Variants in MTOR observed in about 807,000 individuals in gnomAD.
MTOR encodes the protein serine/threonine-protein kinase mTOR.
In MTOR, 70 loss-of-function variants were observed where a neutral mutation model predicts 319.8. That is an observed-to-expected ratio of 0.22 (90% confidence interval 0.18 to 0.27). MTOR has a LOEUF of 0.27. MTOR is among the 10% of genes least tolerant of loss of function. The pLI is 1.00. For synonymous variants in MTOR, 1,183 were observed against 1,211.4 expected, an observed-to-expected ratio of 0.98 and a Z score of 0.49; for missense variants, 1,890 against 3,274.4, an observed-to-expected ratio of 0.58 and a Z score of 10.32.
intron 47 of MTOR, 41 bp from the exon 48 acceptor site, chr1:11,122,167 G>T (rs748428562): frequency 6.2e-7 from 1 of 1,612,008 alleles, no homozygotes; most frequent in East Asian, 2.2e-5. Context: ...ACCGTAAAGA[G>T]AGTATACCCT....
Position 11,125,003 on chromosome 1 carries a change from T to C in MTOR, c.6527-370A>G, listed in dbSNP as rs556925819. Among the ~76,000 whole-genome samples, 170 of 135,052 alleles carry C rather than the reference T, an allele frequency of 1.3e-3. 2 individuals carry two copies. Among genetic ancestry groups the C allele is most frequent in the African/African-American group, 4.9e-3 (162 of 33,146 alleles). 88.6% of individuals were successfully genotyped at this position (135,052 alleles called of 152,430 possible). ...GGCGTGGCCAATGGTGGAAGGGTAC[T>C]GGCAGGAGGTCAGAGGATGGGTAGA... On this transcript the variant is annotated intron_variant, in intron 46 of 57. Transcript: ENST00000361445.
rs1641628649 is a variant in MTOR at position 11,107,397 on chromosome 1, T to C, written c.*88A>G. 1 of 1,569,166 alleles carries C rather than the reference T, an allele frequency of 6.4e-7. No individual in the cohort carries two copies. Among genetic ancestry groups the C allele is most frequent in the Non-Finnish European group, 8.6e-7 (1 of 1,165,624 alleles). ...TTCAAAATATTTAACAAAGTCAAAC[T>C]TTCTCACCATGGTTTCAGTTTAGTG... On this transcript the variant is annotated 3_prime_UTR_variant, in exon 58 of 58. Coordinates refer to ENST00000361445, the MANE Select transcript of MTOR (RefSeq NM_004958.4).
At chr1:11,146,639 T>C (rs1291452124) in intron 32 of MTOR, 37 bp downstream of exon 32, 3 of 1,538,094 alleles carry the variant, frequency 2.0e-6, no homozygotes, top group Non-Finnish European at 1.8e-6. Context: ...TACAATCTTT[T>C]CCTCACTGAG....
chr1:11,254,992 G>A (rs1650173444), intron 5 of MTOR, among the ~76,000 whole-genome samples: 1 of 152,074 alleles, frequency 6.6e-6, no homozygotes, highest in Admixed American at 6.5e-5. Flanking sequence ...TCAAACTCCT[G>A]AGCTCAAGCA....
At chr1:11,201,529 T>G (rs1645968266) in intron 26 of MTOR, among the ~76,000 whole-genome samples, 1 of 152,210 alleles carries the variant, frequency 6.6e-6, no homozygotes, top group African/African-American at 2.4e-5. Context: ...ATGCCTTGCT[T>G]TCTGCTTCTT....
chr1:11,219,510 T>C (rs1168972569), intron 19 of MTOR, among the ~76,000 whole-genome samples: 1 of 152,168 alleles, frequency 6.6e-6, no homozygotes, highest in East Asian at 1.9e-4. Flanking sequence ...ATGCACATCC[T>C]CTCTGGAAAG....
intron 46 of MTOR, among the ~76,000 whole-genome samples, chr1:11,126,209 T>A (rs1370311098): frequency 6.6e-6 from 1 of 151,220 alleles, no homozygotes; most frequent in East Asian, 1.9e-4. Flanking sequence ...TTTTACACAA[T>A]CATTTACCAC....
At chr1:11,189,001 G>A (rs556045099) in intron 28 of MTOR, among the ~76,000 whole-genome samples, 2 of 152,188 alleles carry the variant, frequency 1.3e-5, no homozygotes, top group East Asian at 1.9e-4. Flanking sequence ...CCTACCTTAC[G>A]CTCACCCCAT....
Position 11,108,298 on chromosome 1 carries a change from G to C in MTOR, c.7529-12C>G. 1 of 1,605,358 alleles carries C rather than the reference G, an allele frequency of 6.2e-7. No individual in the cohort carries two copies. Among genetic ancestry groups the C allele is most frequent in the Non-Finnish European group, 8.5e-7 (1 of 1,172,170 alleles). On this transcript the variant is annotated splice_polypyrimidine_tract_variant and intron_variant, in intron 56 of 57. Transcript: ENST00000361445. The stretch of plus-strand genomic sequence containing the variant: ...AGAGAAGTCCCGACCTAGCACAGGA[G>C]GAACAAAAACATTTCACTCTCTTCC...
At chr1:11,118,067 G>A (rs1241165266) in intron 49 of MTOR, among the ~76,000 whole-genome samples, 3 of 151,190 alleles carry the variant, frequency 2.0e-5, no homozygotes, top group South Asian at 2.1e-4. Flanking sequence ...CAACAAGAGC[G>A]AAACTCTCTC....
chr1:11,114,817 A>G lies in MTOR; in HGVS notation c.7160T>C (p.Met2387Thr). 1 of 1,614,134 alleles carries G rather than the reference A, an allele frequency of 6.2e-7. No individual in the cohort carries two copies. The highest frequency in any genetic ancestry group is 8.5e-7 in the Non-Finnish European group (1 of 1,179,952). The change falls in exon 52 of 58, where the codon ATG (methionine) becomes ACG (threonine). Residue 2387 changes from methionine to threonine, a missense_variant. Physicochemically the swap from Met to Thr is moderately conservative, Grantham distance 81 (BLOSUM62 -1). Transcript: ENST00000361445. ...FRLTRMLTNA[M>T]EVTGLDGNYR... Reference sequence around the variant, plus strand: ...TCGTTCCCGATATCCACTCACCTCCATAGCATTGGTCAACATTCTTGTTAG... The same window carrying G: ...TCGTTCCCGATATCCACTCACCTCCGTAGCATTGGTCAACATTCTTGTTAG...
chr1:11,144,792 C>T (rs2100507480), intron 33 of MTOR, 37 bp from the exon 34 acceptor site: 3 of 1,584,968 alleles, frequency 1.9e-6, no homozygotes, highest in Non-Finnish European at 1.7e-6. Context: ...CTAATTACTG[C>T]ACGAACAATC....
At chr1:11,163,379 C>A (rs1644539193) in intron 29 of MTOR, among the ~76,000 whole-genome samples, 2 of 152,036 alleles carry the variant, frequency 1.3e-5, no homozygotes, top group Admixed American at 1.3e-4. Context: ...CAGATCAAGA[C>A]AGAAAGTTAA....
intron 38 of MTOR, 78 bp from the exon 39 acceptor site, chr1:11,130,855 T>C (rs1163755406): frequency 6.7e-7 from 1 of 1,495,236 alleles, no homozygotes. Context: ...AGGTCGATGC[T>C]GAGGAACAGC....
At position 11,107,053 on chromosome 1, in the gene MTOR, T is replaced by A. The variant is rs1209402009; in HGVS notation, c.*432A>T. 1.6e-5 allele frequency: 22 copies of A among 1,371,792 alleles called. No homozygotes were observed. Among genetic ancestry groups the A allele is most frequent in the Non-Finnish European group, 2.0e-5 (21 of 1,039,706 alleles). 85.0% of individuals were successfully genotyped at this position (1,371,792 alleles called of 1,614,324 possible). Reference sequence around the variant, plus strand: ...TCTGTGTCTTTACAGTCTAGGATCCTAATCCATGTTCTCCACGACCTGAGG... The same window carrying A: ...TCTGTGTCTTTACAGTCTAGGATCCAAATCCATGTTCTCCACGACCTGAGG... On this transcript the variant is annotated 3_prime_UTR_variant, in exon 58 of 58. Transcript: ENST00000361445.
chr1:11,212,169 T>A lies in MTOR; in HGVS notation c.3561+143A>T. 2.0e-6 allele frequency: 2 copies of A among 1,014,370 alleles called. No homozygotes were observed. The highest frequency in any genetic ancestry group is 2.5e-5 in the East Asian group (1 of 40,108). The allele number at this position is 1,014,370 out of a possible 1,614,324, so 62.8% of individuals were successfully genotyped here. A position where few individuals can be genotyped will look rare whatever the true frequency, so the allele number is the denominator to read the frequency against. On this transcript the variant is annotated intron_variant, in intron 23 of 57. Transcript: ENST00000361445. The surrounding 1 kb of genome is among the most constrained non-coding windows in gnomAD (Gnocchi z 4.1). ...CATAGGTTGCTCAATAAATGTTTGC[T>A]GAACACATGAAAAGAAAAAAAGCAA...
At chr1:11,137,018 T>A (rs1643455902) in intron 36 of MTOR, among the ~76,000 whole-genome samples, 1 of 151,560 alleles carries the variant, frequency 6.6e-6, no homozygotes, top group South Asian at 2.1e-4. Context: ...ATTTTTGCAT[T>A]TTTAGTAGAG....
rs894974369 is a variant in MTOR, at chr1:11,176,273, A to G, written c.4254-8756T>C. 2.0e-5 allele frequency among the ~76,000 whole-genome samples: 3 copies of G among 152,104 alleles called. No individual in the cohort carries two copies. The South Asian group carries it at 6.2e-4, about 32-fold the overall frequency. On this transcript the variant is annotated intron_variant, in intron 28 of 57. Coordinates refer to ENST00000361445, the MANE Select transcript of MTOR (RefSeq NM_004958.4). ...AACTTGACATGGCAGTGCCTCCTTG[A>G]GTGGCCCACTTGGTTATCGCCCTCA...
chr1:11,130,447 C>A (rs1376229763), intron 39 of MTOR, 82 bp downstream of exon 39: 1 of 1,555,518 alleles, frequency 6.4e-7, no homozygotes, highest in Non-Finnish European at 8.7e-7. Flanking sequence ...GCCTCAGGTT[C>A]CTTTTAAGCT....
Sources: gnomAD v4.1 joint callset for allele counts (sites outside exome capture counted in the v4.1 genomes callset) on GRCh38, gnomAD v4.1.1 for gene constraint, Gnocchi (gnomAD v3.1) non-coding constraint, MANE v1.5 for transcripts, NCBI Gene and HGNC (gene_info 2026-07-23, HGNC 2026-07-21) for gene names.